SLC36A4: variants seen among roughly 807,000 people sequenced by gnomAD.
The protein encoded by SLC36A4 is solute carrier family 36 member 4.
In SLC36A4, 49 loss-of-function variants were observed where a neutral mutation model predicts 50.5. That is an observed-to-expected ratio of 0.97 (90% CI 0.77 to 1.23). The LOEUF (loss-of-function observed/expected upper bound fraction) is 1.23. Ranked by LOEUF, SLC36A4 falls within the 50% of genes most tolerant of loss-of-function variation. The probability of loss-of-function intolerance (pLI) is 0.00; values close to 1 mark genes in which losing one functional copy is unlikely to be tolerated. For missense variants in SLC36A4, 611 were observed against 608.4 expected (o/e 1.00, Z -0.05); for synonymous variants, 207 against 206.5 (o/e 1.00, Z -0.02).
chr11:93,178,526 G>A (rs893082550), intron 6 of SLC36A4, among the ~76,000 whole-genome samples: 3 of 152,160 alleles, frequency 2.0e-5, no homozygotes, highest in East Asian at 1.9e-4. Flanking sequence ...TCTTGGAACC[G>A]GCGAGTAGTT....
chr11:93,158,452 C>T (rs1282918088), intron 9 of SLC36A4, among the ~76,000 whole-genome samples: 2 of 151,766 alleles, frequency 1.3e-5, no homozygotes, highest in African/African-American at 4.8e-5. Context: ...TTATTAATAT[C>T]GTTAATTATA....
intron 9 of SLC36A4, among the ~76,000 whole-genome samples, chr11:93,158,630 C>T (rs79064276): frequency 0.013 from 1,908 of 152,134 alleles, 20 homozygotes; most frequent in Non-Finnish European, 0.018. Context: ...CACTCCTACT[C>T]CTTTTCTGTT....
intron 9 of SLC36A4, among the ~76,000 whole-genome samples, 166 bp downstream of exon 9, chr11:93,162,540 C>T (rs1413844417): frequency 6.6e-6 from 1 of 152,116 alleles, no homozygotes; most frequent in South Asian, 2.1e-4. Flanking sequence ...AACTCCCGAC[C>T]TCAGGTGATC....
At chr11:93,160,658 C>T (rs1486093522) in intron 9 of SLC36A4, 5 of 985,220 alleles carry the variant, frequency 5.1e-6, no homozygotes, top group African/African-American at 1.7e-5. Flanking sequence ...ACAAACCTTT[C>T]AATGTGAATG....
Position 93,160,624 on chromosome 11 carries a change from C to T in SLC36A4, c.1037+2082G>A, listed in dbSNP as rs978042345. 18 of 985,242 alleles carry T rather than the reference C, an allele frequency of 1.8e-5. No individual in the cohort carries two copies. The African/African-American group carries it at 3.0e-4, about 16-fold the overall frequency. 61.0% of individuals were successfully genotyped at this position (985,242 alleles called of 1,614,324 possible). A position where few individuals can be genotyped will look rare whatever the true frequency, so the allele number is the denominator to read the frequency against. On this transcript the variant is annotated intron_variant, in intron 9 of 10. Coordinates refer to ENST00000326402, the MANE Select transcript of SLC36A4 (RefSeq NM_152313.4). The stretch of plus-strand genomic sequence containing the variant: ...CTTATTCTCGCCCACTATTTCTACA[C>T]CACATTCTTATGTGCCTGGTAATAC...
intron 1 of SLC36A4, chr11:93,193,036 A>G: frequency 1.9e-6 from 1 of 513,606 alleles, no homozygotes; most frequent in Non-Finnish European, 2.5e-6. Context: ...CACATAAATA[A>G]GTAATCAATA....
In SLC36A4 at chr11:93,196,693, T is replaced by A. The variant is rs376372588; in HGVS notation, c.55+1085A>T. Among the ~76,000 whole-genome samples the A allele has an allele frequency of 9.8e-5, 15 of 152,330 alleles. No homozygotes were observed. In the East Asian group the frequency reaches 2.9e-3, roughly 29 times the overall value. Reference sequence around the variant, plus strand: ...CGATATGTACATTTTTAAGGCTAAATATATTATCCCTTTCCTGCCAGCAAT... The same window carrying A: ...CGATATGTACATTTTTAAGGCTAAAAATATTATCCCTTTCCTGCCAGCAAT... On this transcript the variant is annotated intron_variant, in intron 1 of 10. Transcript: ENST00000326402.
intron 1 of SLC36A4, among the ~76,000 whole-genome samples, chr11:93,190,370 T>A (rs940276592): frequency 6.6e-6 from 1 of 152,152 alleles, no homozygotes; most frequent in Non-Finnish European, 1.5e-5. Flanking sequence ...AGAAATGGAT[T>A]TGAAATGTTC....
chr11:93,146,499 T>TG lies in SLC36A4; in HGVS notation c.*2037dup, dbSNP rs1291989033. The TG allele has an allele frequency of 1.3e-5, 2 of 152,008 alleles. No individual in the cohort carries two copies. Among genetic ancestry groups the TG allele is most frequent in the East Asian group, 3.9e-4 (2 of 5,172 alleles). 9.4% of individuals were successfully genotyped at this position (152,008 alleles called of 1,614,324 possible). On this transcript the variant is annotated 3_prime_UTR_variant, in exon 11 of 11. Coordinates refer to ENST00000326402, the MANE Select transcript of SLC36A4 (RefSeq NM_152313.4). ...ATATAAAAGTATCTCAAACAATTAC[T>TG]GTTGATACCTAATGTGAATGGTTAA...
At chr11:93,188,604 C>T (rs1209045709) in intron 1 of SLC36A4, among the ~76,000 whole-genome samples, 1 of 152,122 alleles carries the variant, frequency 6.6e-6, no homozygotes, top group Non-Finnish European at 1.5e-5. Context: ...TCAAAGGTGG[C>T]ACGGTCTAGA....
intron 1 of SLC36A4, among the ~76,000 whole-genome samples, chr11:93,188,071 C>T (rs1008983896): frequency 1.3e-5 from 2 of 152,136 alleles, no homozygotes; most frequent in African/African-American, 2.4e-5. Flanking sequence ...CAACGAAATA[C>T]TAAAGACTCC....
chr11:93,186,206 TTGA>T (rs1425174453), intron 1 of SLC36A4, among the ~76,000 whole-genome samples: 1 of 152,214 alleles, frequency 6.6e-6, no homozygotes, highest in Non-Finnish European at 1.5e-5. Context: ...TTTTAAATAC[TTGA>T]TGAAAATTAC....
At position 93,148,317 on chromosome 11, in the gene SLC36A4, G is replaced by T; in HGVS notation, c.*220C>A. ...TACATTTTAATTTTTTCAATTTTCA[G>T]AACTTAATTTTTTGAACTATTGCTA... On this transcript the variant is annotated 3_prime_UTR_variant, in exon 11 of 11. Transcript: ENST00000326402. The T allele has an allele frequency of 8.4e-6, 3 of 356,614 alleles. No homozygotes were observed. The highest frequency in any genetic ancestry group is 1.5e-5 in the Non-Finnish European group (3 of 201,474). 22.1% of individuals were successfully genotyped at this position (356,614 alleles called of 1,614,324 possible).
At chr11:93,168,554 G>A (rs1860989195) in intron 6 of SLC36A4, among the ~76,000 whole-genome samples, 1 of 151,886 alleles carries the variant, frequency 6.6e-6, no homozygotes, top group African/African-American at 2.4e-5. Context: ...CTTGTACCTA[G>A]GATGGCCACT....
chr11:93,177,147 C>T (rs1028977404), intron 6 of SLC36A4, among the ~76,000 whole-genome samples: 2 of 152,094 alleles, frequency 1.3e-5, no homozygotes, highest in Non-Finnish European at 2.9e-5. Context: ...AGGCTTTGTT[C>T]GTTTCTTTTT....
chr11:93,180,328 CA>C (rs1255457272), intron 6 of SLC36A4: 1 of 985,048 alleles, frequency 1.0e-6, no homozygotes, highest in Non-Finnish European at 1.2e-6. Flanking sequence ...GAAAGTTTCT[CA>C]AAAAACTACA....
chr11:93,167,737 T>G lies in SLC36A4; in HGVS notation c.768+207A>C, dbSNP rs1400922258. The stretch of plus-strand genomic sequence containing the variant: ...GCGTTATTTACCAAGATTCAAGATC[T>G]GACCACAAAGCCTGTTTAATCTCTA... On this transcript the variant is annotated intron_variant, in intron 7 of 10. Coordinates refer to ENST00000326402, the MANE Select transcript of SLC36A4 (RefSeq NM_152313.4). 2.0e-5 allele frequency among the ~76,000 whole-genome samples: 3 copies of G among 152,278 alleles called. No individual in the cohort carries two copies. The East Asian group carries it at 5.8e-4, about 29-fold the overall frequency.
intron 7 of SLC36A4, chr11:93,166,411 C>T: frequency 1.0e-6 from 1 of 992,250 alleles, no homozygotes; most frequent in Non-Finnish European, 1.2e-6. Context: ...GAAATTCATT[C>T]TCCACTCTAT....
chr11:93,166,334 G>A, intron 7 of SLC36A4: 9 of 1,054,028 alleles, frequency 8.5e-6, no homozygotes, highest in Non-Finnish European at 1.0e-5. Flanking sequence ...AAATACATAA[G>A]CACACTCAAG....
Sources: allele counts gnomAD v4.1 joint callset (sites outside exome capture counted in the v4.1 genomes callset), GRCh38; gene constraint gnomAD v4.1.1; transcripts MANE v1.5; gene names NCBI Gene and HGNC (gene_info 2026-07-23, HGNC 2026-07-21).